FAM81A: variants seen among roughly 807,000 people sequenced by gnomAD.
The protein encoded by FAM81A is protein FAM81A.
FAM81A carries 19 observed loss-of-function variants against 46.7 expected under a neutral mutation model. The observed-to-expected ratio is 0.41, with a 90% CI of 0.28 to 0.60. The LOEUF (loss-of-function observed/expected upper bound fraction) is 0.60. Ranked by LOEUF, FAM81A falls within the 20% of genes least tolerant of loss-of-function variation. FAM81A has a pLI of 0.34. For synonymous variants in FAM81A, 183 were observed against 152.9 expected (o/e 1.20, Z -1.45); for missense variants, 377 against 453.5 (o/e 0.83, Z 1.53).
intron 2 of FAM81A, among the ~76,000 whole-genome samples, chr15:59,404,204 C>G (rs2081084593): frequency 6.6e-6 from 1 of 151,842 alleles, no homozygotes; most frequent in Admixed American, 6.6e-5. Context: ...AAAGGTAAAC[C>G]TCTACAAACA....
chr15:59,427,192 C>A (rs746588737), intron 2 of FAM81A, among the ~76,000 whole-genome samples: 14 of 152,150 alleles, frequency 9.2e-5, no homozygotes, highest in Admixed American at 1.3e-4. Flanking sequence ...CTCACTGCAG[C>A]CTCCGCCTCC....
chr15:59,522,219 A>G lies in FAM81A; in HGVS notation c.*841A>G, dbSNP rs2082334884. On this transcript the variant is annotated 3_prime_UTR_variant, in exon 9 of 9. Transcript: ENST00000288228. Reference sequence around the variant, plus strand: ...ATGTGGTAATTTTTCAGACTTTATGATCTGTTTCCAAAATTGGCACAAAGT... The same window carrying G: ...ATGTGGTAATTTTTCAGACTTTATGGTCTGTTTCCAAAATTGGCACAAAGT... The G allele has an allele frequency of 6.5e-6, 1 of 152,728 alleles. No homozygotes were observed. Among genetic ancestry groups the G allele is most frequent in the Middle Eastern group, 3.4e-3 (1 of 294 alleles). The allele number at this position is 152,728 out of a possible 1,614,324, so 9.5% of individuals were successfully genotyped here.
chr15:59,486,107 A>G (rs550888508), intron 3 of FAM81A, among the ~76,000 whole-genome samples: 82 of 152,292 alleles, frequency 5.4e-4, no homozygotes, highest in African/African-American at 1.8e-3. Context: ...TGAACCCAGG[A>G]GGCAGAGGTT....
chr15:59,401,334 T>TTGG (rs2081069144), intron 1 of FAM81A: 4 of 796,374 alleles, frequency 5.0e-6, no homozygotes, highest in Non-Finnish European at 9.2e-6. Context: ...TTGCTCACAT[T>TTGG]TACCTCCATG....
At chr15:59,477,213 T>C in intron 3 of FAM81A, among the ~76,000 whole-genome samples, 1 of 152,186 alleles carries the variant, frequency 6.6e-6, no homozygotes, top group East Asian at 1.9e-4. Context: ...GGTGTGAAGA[T>C]ATTTAAATTG....
At chr15:59,447,512 C>T (rs1446814699) in intron 1 of FAM81A, among the ~76,000 whole-genome samples, 5 of 152,180 alleles carry the variant, frequency 3.3e-5, no homozygotes, top group African/African-American at 1.2e-4. Context: ...TGCTTATTTG[C>T]ACTGTTTTCA....
chr15:59,433,325 G>A (rs1050961465), upstream of FAM81A, among the ~76,000 whole-genome samples: 7 of 151,642 alleles, frequency 4.6e-5, no homozygotes, highest in South Asian at 8.3e-4. Flanking sequence ...AAAGTGTTAT[G>A]TTGAGGGCTC....
chr15:59,398,963 A>G (rs2081059067), intron 1 of FAM81A, among the ~76,000 whole-genome samples: 1 of 151,876 alleles, frequency 6.6e-6, no homozygotes, highest in African/African-American at 2.4e-5. Flanking sequence ...AGGTCAGGAG[A>G]TCGAGACCAT....
intron 2 of FAM81A, among the ~76,000 whole-genome samples, chr15:59,404,726 G>A (rs537870376): frequency 7.0e-4 from 106 of 152,326 alleles, no homozygotes; most frequent in African/African-American, 2.4e-3. Context: ...CAAAGTGCTG[G>A]AATTGTAGGC....
chr15:59,463,678 C>T (rs1181029400), intron 3 of FAM81A, among the ~76,000 whole-genome samples: 1 of 151,628 alleles, frequency 6.6e-6, no homozygotes, highest in East Asian at 1.9e-4. Context: ...CCCTATCTTT[C>T]TCTAAAAATA....
At chr15:59,514,068 G>T (rs1208790203) in intron 6 of FAM81A, among the ~76,000 whole-genome samples, 1 of 151,582 alleles carries the variant, frequency 6.6e-6, no homozygotes. Flanking sequence ...ACATACTGGG[G>T]CTTGGGGGCA....
intron 2 of FAM81A, among the ~76,000 whole-genome samples, chr15:59,419,417 C>T (rs1187945063): frequency 1.3e-5 from 2 of 152,180 alleles, no homozygotes; most frequent in African/African-American, 2.4e-5. Context: ...GAAATTGCAA[C>T]ACGTTCATCA....
At chr15:59,418,796 C>T (rs1166006029) in intron 2 of FAM81A, among the ~76,000 whole-genome samples, 1 of 151,990 alleles carries the variant, frequency 6.6e-6, no homozygotes, top group African/African-American at 2.4e-5. Flanking sequence ...TTATCTGAGC[C>T]CCAGTTTCCT....
At chr15:59,518,372 G>A (rs1382990219) in intron 8 of FAM81A, among the ~76,000 whole-genome samples, 2 of 152,144 alleles carry the variant, frequency 1.3e-5, no homozygotes, top group South Asian at 2.1e-4. Context: ...TGCCTAGGCC[G>A]GGGTGAAGTG....
chr15:59,442,645 A>G (rs1477041680), intron 1 of FAM81A, among the ~76,000 whole-genome samples: 1 of 151,346 alleles, frequency 6.6e-6, no homozygotes, highest in East Asian at 1.9e-4. Context: ...AAAAAAGAAA[A>G]GAAAAGAAAA....
intron 7 of FAM81A, among the ~76,000 whole-genome samples, chr15:59,514,861 A>C (rs2082250357): frequency 6.6e-6 from 1 of 152,232 alleles, no homozygotes; most frequent in Non-Finnish European, 1.5e-5. Flanking sequence ...ACATGTAAAC[A>C]GAATCCACCA....
Position 59,462,071 on chromosome 15 carries a change from C to T in FAM81A, c.294+1865C>T, listed in dbSNP as rs575397044. Among the ~76,000 whole-genome samples the T allele has an allele frequency of 7.9e-5, 12 of 151,978 alleles. No homozygotes were observed. In the East Asian group the frequency reaches 1.7e-3, roughly 22 times the overall value. On this transcript the variant is annotated intron_variant, in intron 3 of 8. Transcript: ENST00000288228. ...ACAAAAAATTAGCTGGGCGAGGTAG[C>T]GGGTGCCTGTAGTCCCAGCTACTCG...
At chr15:59,493,264 C>G (rs748476688) in intron 4 of FAM81A, among the ~76,000 whole-genome samples, 1 of 152,072 alleles carries the variant, frequency 6.6e-6, no homozygotes, top group Non-Finnish European at 1.5e-5. Flanking sequence ...GACAACGTGT[C>G]GAGGGCCTTG....
At chr15:59,502,762 T>C (rs1165976435) in intron 4 of FAM81A, among the ~76,000 whole-genome samples, 1 of 151,782 alleles carries the variant, frequency 6.6e-6, no homozygotes, top group East Asian at 2.0e-4. Flanking sequence ...CCCCAGGTAA[T>C]CCGCCCACCT....
Sources: gnomAD v4.1 joint callset for allele counts (sites outside exome capture counted in the v4.1 genomes callset) on GRCh38, gnomAD v4.1.1 for gene constraint, MANE v1.5 for transcripts, NCBI Gene and HGNC (gene_info 2026-07-23, HGNC 2026-07-21) for gene names.